The following SLFN11 variants were observed in gnomAD, a reference collection of about 807,000 sequenced individuals.
The protein encoded by SLFN11 is schlafen family member 11.
A neutral mutation model predicts 53.4 loss-of-function variants in SLFN11; 43 were observed. That is an observed-to-expected ratio of 0.80 (90% CI 0.63 to 1.04). The LOEUF (loss-of-function observed/expected upper bound fraction) is 1.04, where lower values mean the gene tolerates loss of function less well. Among genes scored for constraint, SLFN11 ranks in the 50% least tolerant of loss-of-function variants. The pLI, the probability that SLFN11 is intolerant of heterozygous loss-of-function variation, is 0.00. For synonymous variants in SLFN11, 389 were observed against 394.7 expected, an observed-to-expected ratio of 0.99 and a Z score of 0.17; for missense variants, 990 against 1,079.1, an observed-to-expected ratio of 0.92 and a Z score of 1.16.
In SLFN11 at chr17:35,362,927, G is replaced by A. The variant is rs375728855; in HGVS notation, c.881C>T (p.Thr294Ile). 6.2e-6 allele frequency: 10 copies of A among 1,613,772 alleles called. No individual in the cohort carries two copies. The highest frequency in any genetic ancestry group is 1.3e-5 in the African/African-American group (1 of 75,018). The change falls in exon 4 of 7, where the codon ACC becomes ATC. Residue 294 changes from threonine to isoleucine, a missense_variant. By Grantham distance (89) the Thr-to-Ile change is moderately conservative. Coordinates refer to ENST00000685675, the MANE Select transcript of SLFN11 (RefSeq NM_001376007.1). ...CACATTCACAATTTTGAGTGTGAAG[G>A]TTATCGGGCGTTGGGGTTGGCAAAA... ...VHFCQPQRPI[T>I]FTLKIVNVLK...
At chr17:35,359,131 AT>A (rs555131837) in intron 5 of SLFN11, among the ~76,000 whole-genome samples, 1 of 152,112 alleles carries the variant, frequency 6.6e-6, no homozygotes, top group South Asian at 2.1e-4. Flanking sequence ...TAGAAAACTG[AT>A]TTTTTTATAC....
In SLFN11 at chr17:35,355,595, T is replaced by C. The variant is rs533631919; in HGVS notation, c.1199-1536A>G. ...CACTTGATGTTTATTTACCTTATCATTGCATAGGTCTTCTTTTTCTTTAAT... is the reference window on the plus strand; with the variant it reads ...CACTTGATGTTTATTTACCTTATCACTGCATAGGTCTTCTTTTTCTTTAAT... On this transcript the variant is annotated intron_variant, in intron 5 of 6. Transcript: ENST00000685675. Among the ~76,000 whole-genome samples the C allele has an allele frequency of 2.0e-5, 3 of 152,268 alleles. No homozygotes were observed. In the South Asian group the frequency reaches 6.2e-4, roughly 32 times the overall value.
intron 1 of SLFN11, among the ~76,000 whole-genome samples, chr17:35,372,866 C>T (rs1391162749): frequency 1.3e-5 from 2 of 152,086 alleles, no homozygotes; most frequent in African/African-American, 4.8e-5. Flanking sequence ...ACTTAGAGCT[C>T]TTTGTCCTTC....
At chr17:35,362,269 A>T (rs909509771) in intron 4 of SLFN11, among the ~76,000 whole-genome samples, 7 of 152,118 alleles carry the variant, frequency 4.6e-5, no homozygotes, top group African/African-American at 1.7e-4. Context: ...ATAGATGTAA[A>T]TAATCTCTCA....
chr17:35,365,461 AATT>A (rs778774772), intron 3 of SLFN11, among the ~76,000 whole-genome samples: 36 of 150,916 alleles, frequency 2.4e-4, no homozygotes, highest in South Asian at 8.4e-4. Flanking sequence ...ATTCTTTAAA[AATT>A]TTTTTTTTTG....
At chr17:35,371,248 TG>T (rs1283554232) in intron 1 of SLFN11, among the ~76,000 whole-genome samples, 1 of 152,106 alleles carries the variant, frequency 6.6e-6, no homozygotes, top group Non-Finnish European at 1.5e-5. Flanking sequence ...TAAATGGCAC[TG>T]GGAAAACTGG....
rs1208457719 is a variant in SLFN11 at position 35,353,081 on chromosome 17, G to A, written c.1981C>T (p.His661Tyr). Residue 661 changes from histidine (H) to tyrosine (Y), a missense_variant, in exon 7 of 7, where the codon CAC (histidine) becomes TAC (tyrosine). By Grantham distance (83) the His-to-Tyr change is moderately conservative. Coordinates refer to ENST00000685675, the MANE Select transcript of SLFN11 (RefSeq NM_001376007.1). ...TCGTCAATGACGATGTGTTGAATGT[G>A]TTCAAAGTTTTCTCTTAGGAAAGTT... is the stretch of plus-strand genomic sequence containing the variant. ...RKTFLRENFE[H>Y]IQHIVIDEAQ... 6.2e-7 allele frequency: 1 copy of A among 1,614,146 alleles called. No homozygotes were observed. Among genetic ancestry groups the A allele is most frequent in the South Asian group, 1.1e-5 (1 of 91,080 alleles).
At chr17:35,362,404 G>A (rs1399780452) in intron 4 of SLFN11, among the ~76,000 whole-genome samples, 1 of 152,072 alleles carries the variant, frequency 6.6e-6, no homozygotes, top group Non-Finnish European at 1.5e-5. Flanking sequence ...TAATAACTAT[G>A]TTTAACAACT....
intron 5 of SLFN11, 100 bp from the exon 6 acceptor site, chr17:35,354,159 A>T: frequency 9.7e-7 from 1 of 1,035,830 alleles, no homozygotes; most frequent in Non-Finnish European, 1.3e-6. Flanking sequence ...ATGATTACTT[A>T]TAGAAGTTTC....
At chr17:35,357,181 T>C (rs1567819429) in intron 5 of SLFN11, among the ~76,000 whole-genome samples, 1 of 151,544 alleles carries the variant, frequency 6.6e-6, no homozygotes, top group African/African-American at 2.4e-5. Flanking sequence ...TGTGTGTCTG[T>C]GTCCTTATCA....
chr17:35,351,775 T>A lies in SLFN11; in HGVS notation c.*581A>T, dbSNP rs1906710017. 6.5e-6 allele frequency: 1 copy of A among 152,914 alleles called. No individual in the cohort carries two copies. The highest frequency in any genetic ancestry group is 6.5e-5 in the Admixed American group (1 of 15,348). The allele number at this position is 152,914 out of a possible 1,614,324, so 9.5% of individuals were successfully genotyped here. On this transcript the variant is annotated 3_prime_UTR_variant, in exon 7 of 7. Transcript: ENST00000685675. The stretch of plus-strand genomic sequence containing the variant: ...TCTGGAGACCACAATTTTAAAGGAT[T>A]AAATAATCATAACGGTATTCTTTGT...
intron 1 of SLFN11, among the ~76,000 whole-genome samples, chr17:35,369,948 A>T (rs1204694965): frequency 6.6e-6 from 1 of 152,142 alleles, no homozygotes; most frequent in African/African-American, 2.4e-5. Context: ...AAGAAGAACT[A>T]ATATCAATCT....
chr17:35,368,665 A>T (rs1376982525), intron 1 of SLFN11, among the ~76,000 whole-genome samples: 1 of 152,104 alleles, frequency 6.6e-6, no homozygotes, highest in Non-Finnish European at 1.5e-5. Flanking sequence ...AGCTGGGGCG[A>T]CTAAGAGAGT....
chr17:35,361,365 T>G lies in SLFN11; in HGVS notation c.1070-994A>C, dbSNP rs183227104. On this transcript the variant is annotated intron_variant, in intron 4 of 6. Transcript: ENST00000685675. ...GATGAGTGGAAGAAAAGGCAAAATATCAACAGGATAAACAGAGACACAGGA... is the reference window on the plus strand; with the variant it reads ...GATGAGTGGAAGAAAAGGCAAAATAGCAACAGGATAAACAGAGACACAGGA... Among the ~76,000 whole-genome samples, 51 of 152,104 alleles carry G rather than the reference T, an allele frequency of 3.4e-4. 1 individual carries two copies. The highest frequency in any genetic ancestry group is 2.8e-3 in the Admixed American group (43 of 15,282).
At chr17:35,354,304 G>T (rs1414798616) in intron 5 of SLFN11, among the ~76,000 whole-genome samples, 3 of 152,026 alleles carry the variant, frequency 2.0e-5, no homozygotes, top group Non-Finnish European at 4.4e-5. Flanking sequence ...CTAAGACTTT[G>T]CTGTCTCATC....
At chr17:35,372,761 T>C (rs985542447) in intron 1 of SLFN11, among the ~76,000 whole-genome samples, 2 of 151,820 alleles carry the variant, frequency 1.3e-5, no homozygotes, top group Non-Finnish European at 2.9e-5. Flanking sequence ...AACATATACA[T>C]CTACTATGTA....
chr17:35,371,876 T>C (rs776052388), intron 1 of SLFN11, among the ~76,000 whole-genome samples: 27 of 152,086 alleles, frequency 1.8e-4, no homozygotes, highest in Non-Finnish European at 3.5e-4. Context: ...TTGGTGGGAA[T>C]GTAAATTAGT....
chr17:35,360,356 G>T lies in SLFN11; in HGVS notation c.1085C>A (p.Ser362Tyr). 1 of 1,605,838 alleles carries T rather than the reference G, an allele frequency of 6.2e-7. No homozygotes were observed. Among genetic ancestry groups the T allele is most frequent in the Non-Finnish European group, 8.5e-7 (1 of 1,177,378 alleles). Reference protein sequence around the residue: ...TDTDPDLLQLSEDFECQLSLS... With the variant: ...TDTDPDLLQLYEDFECQLSLS... Reference sequence around the variant, plus strand: ...ACTCAGCTGACATTCAAAATCTTCAGACAACTGTAGAAGATCTTAAGAAAG... The same window carrying T: ...ACTCAGCTGACATTCAAAATCTTCATACAACTGTAGAAGATCTTAAGAAAG... The change falls in exon 5 of 7, where the codon TCT becomes TAT. Residue 362 changes from serine (S) to tyrosine (Y), a missense_variant. Coordinates refer to ENST00000685675, the MANE Select transcript of SLFN11 (RefSeq NM_001376007.1).
intron 5 of SLFN11, among the ~76,000 whole-genome samples, chr17:35,359,045 T>C (rs1215172975): frequency 6.6e-6 from 1 of 152,074 alleles, no homozygotes; most frequent in East Asian, 1.9e-4. Context: ...TGGGAATTTG[T>C]GTTATTTTTC....
Sources: allele counts gnomAD v4.1 joint callset (sites outside exome capture counted in the v4.1 genomes callset), GRCh38; gene constraint gnomAD v4.1.1; transcripts MANE v1.5; gene names NCBI Gene and HGNC (gene_info 2026-07-23, HGNC 2026-07-21).